NATD1: variants seen among roughly 807,000 people sequenced by gnomAD.
NATD1 encodes N-acetyltransferase domain containing 1.
In NATD1, 9 loss-of-function variants were observed where a neutral mutation model predicts 12.0. The observed-to-expected ratio is 0.75, with a 90% confidence interval of 0.45 to 1.30. NATD1 has a LOEUF of 1.30. NATD1 is among the 50% of genes most tolerant of loss of function. NATD1 has a pLI of 0.00. For missense variants in NATD1, 148 were observed against 148.5 expected (o/e 1.00, Z 0.02); for synonymous variants, 71 against 65.9 (o/e 1.08, Z -0.37).
intron 1 of NATD1, among the ~76,000 whole-genome samples, chr17:21,248,210 GCCAC>G (rs1384968951): frequency 4.8e-4 from 73 of 152,212 alleles, no homozygotes; most frequent in South Asian, 6.2e-4. Context: ...GCCTTCAAAG[GCCAC>G]CCAGTCACAA....
chr17:21,247,571 G>C (rs1280921993), intron 1 of NATD1, among the ~76,000 whole-genome samples: 1 of 152,214 alleles, frequency 6.6e-6, no homozygotes, highest in African/African-American at 2.4e-5. Flanking sequence ...ATCATCCCGG[G>C]ACAGGTCAGT....
At chr17:21,243,850 T>C (rs1206956953) in intron 2 of NATD1, among the ~76,000 whole-genome samples, 1 of 151,942 alleles carries the variant, frequency 6.6e-6, no homozygotes, top group Non-Finnish European at 1.5e-5. Flanking sequence ...GCCCTGAGGA[T>C]GAAGGGGTTG....
At chr17:21,246,526 A>C (rs865943877) in intron 1 of NATD1, among the ~76,000 whole-genome samples, 14 of 101,544 alleles carry the variant, frequency 1.4e-4, no homozygotes, top group South Asian at 3.1e-4. Flanking sequence ...AAAAAAAAAG[A>C]AAAAAAAAAA....
Position 21,239,784 on chromosome 17 carries a change from C to T in NATD1, c.*3529G>A, listed in dbSNP as rs1975249535. ...AGCCTGGGCGACAGAGCAAGACTCC[C>T]ATCTCAAAAAAAAGATTGCAACAGG... On this transcript the variant is annotated 3_prime_UTR_variant, in exon 3 of 3. Coordinates refer to ENST00000611551, the MANE Select transcript of NATD1 (RefSeq NM_152914.3). 6.6e-6 allele frequency: 1 copy of T among 151,952 alleles called. No individual in the cohort carries two copies. Among genetic ancestry groups the T allele is most frequent in the Admixed American group, 6.6e-5 (1 of 15,256 alleles). 9.4% of individuals were successfully genotyped at this position (151,952 alleles called of 1,614,324 possible).
rs954001773 is a variant in NATD1 at position 21,244,479 on chromosome 17, C to A, written c.107-255G>T. ...CCATGCCTAGAACACTTGAGCCCCA[C>A]ATGAACCTTTGCTACTGCGTCAGTC... On this transcript the variant is annotated intron_variant, in intron 1 of 2. Coordinates refer to ENST00000611551, the MANE Select transcript of NATD1 (RefSeq NM_152914.3). This position sits in a 1 kb window ranked among gnomAD's most constrained non-coding sequence, Gnocchi z 5.2. 5.9e-5 allele frequency among the ~76,000 whole-genome samples: 9 copies of A among 152,172 alleles called. No homozygotes were observed. The highest frequency in any genetic ancestry group is 1.9e-4 in the African/African-American group (8 of 41,434).
chr17:21,250,545 T>C (rs1288198317), intron 1 of NATD1, among the ~76,000 whole-genome samples: 1 of 152,166 alleles, frequency 6.6e-6, no homozygotes, highest in African/African-American at 2.4e-5. Flanking sequence ...ACATGGTAGG[T>C]GCTCAACAAA....
rs1193689121 is a variant in NATD1, at chr17:21,244,885, G to A, written c.107-661C>T. Among the ~76,000 whole-genome samples, 1 of 152,266 alleles carries A rather than the reference G, an allele frequency of 6.6e-6. No individual in the cohort carries two copies. The highest frequency in any genetic ancestry group is 1.9e-4 in the East Asian group (1 of 5,190). ...TTAACTGAACTTTTTCCTAATCACA[G>A]TTTTTAGTGTCTCATCTATTTGTCT... is the stretch of plus-strand genomic sequence containing the variant. On this transcript the variant is annotated intron_variant, in intron 1 of 2. Coordinates refer to ENST00000611551, the MANE Select transcript of NATD1 (RefSeq NM_152914.3). This position sits in a 1 kb window ranked among gnomAD's most constrained non-coding sequence, Gnocchi z 5.2.
At chr17:21,245,827 G>A (rs905403049) in intron 1 of NATD1, among the ~76,000 whole-genome samples, 5 of 150,630 alleles carry the variant, frequency 3.3e-5, no homozygotes, top group Admixed American at 6.6e-5. Context: ...CTGCAGCCCC[G>A]CCCCCACACC....
rs915536152 is a variant in NATD1 at position 21,239,373 on chromosome 17, G to C, written c.*3940C>G. 2.6e-5 allele frequency: 4 copies of C among 151,940 alleles called. No homozygotes were observed. Among genetic ancestry groups the C allele is most frequent in the African/African-American group, 4.8e-5 (2 of 41,352 alleles). 9.4% of individuals were successfully genotyped at this position (151,940 alleles called of 1,614,324 possible). The stretch of plus-strand genomic sequence containing the variant: ...CACCAAGAGGACGGGAGCTGGGCTG[G>C]GTCCTGAGCCCTTCTAGCGGTGTGG... On this transcript the variant is annotated 3_prime_UTR_variant, in exon 3 of 3. Transcript: ENST00000611551.
At chr17:21,247,905 A>G (rs923146584) in intron 1 of NATD1, among the ~76,000 whole-genome samples, 2 of 152,180 alleles carry the variant, frequency 1.3e-5, no homozygotes, top group African/African-American at 2.4e-5. Context: ...TGCTGCGGGC[A>G]GTCAGGGGAG....
intron 1 of NATD1, among the ~76,000 whole-genome samples, chr17:21,246,823 T>C (rs1975329421): frequency 2.6e-5 from 4 of 152,010 alleles, no homozygotes; most frequent in Admixed American, 2.6e-4. Flanking sequence ...CCAAAGGACA[T>C]GTGGGGTATG....
rs1358450382 is a variant in NATD1, at chr17:21,243,241, G to A, written c.*72C>T. The A allele has an allele frequency of 1.6e-6, 2 of 1,229,906 alleles. No homozygotes were observed. The highest frequency in any genetic ancestry group is 1.5e-5 in the African/African-American group (1 of 66,550). The allele number at this position is 1,229,906 out of a possible 1,614,324, so 76.2% of individuals were successfully genotyped here. On this transcript the variant is annotated 3_prime_UTR_variant, in exon 3 of 3. Transcript: ENST00000611551. ...CTGTTCCCAGTGGGACCAGGTTCCT[G>A]AGAGCACGTGGGGCCAGGCAAAGGC...
chr17:21,247,266 A>G (rs1483598765), intron 1 of NATD1, among the ~76,000 whole-genome samples: 2 of 152,216 alleles, frequency 1.3e-5, no homozygotes, highest in Non-Finnish European at 2.9e-5. Context: ...AACTAAAACA[A>G]CTGCTTTCTG....
intron 2 of NATD1, 106 bp from the exon 3 acceptor site, chr17:21,243,535 T>C (rs1975298183): frequency 2.5e-6 from 2 of 812,794 alleles, no homozygotes; most frequent in Admixed American, 2.4e-5. Flanking sequence ...CCCTTCCACT[T>C]TGCCCAGGTC....
chr17:21,243,384 T>C lies in NATD1; in HGVS notation c.271A>G (p.Thr91Ala). The C allele has an allele frequency of 2.5e-6, 4 of 1,613,422 alleles. No homozygotes were observed. The highest frequency in any genetic ancestry group is 3.4e-6 in the Non-Finnish European group (4 of 1,179,938). Reference protein sequence around the residue: ...VVEEDLKAHLTCWYIQKYVKE... With the variant: ...VVEEDLKAHLACWYIQKYVKE... ...ACGTACTTCTGGATGTACCAGCAGG[T>C]GAGATGGGCCTTCAGGTCCTCCTCC... Residue 91 changes from threonine to alanine, a missense_variant, in exon 3 of 3, where the codon ACC becomes GCC. Thr to Ala is a moderately conservative substitution (Grantham distance 58, BLOSUM62 0). Coordinates refer to ENST00000611551, the MANE Select transcript of NATD1 (RefSeq NM_152914.3).
chr17:21,243,471 C>A (rs763747380), intron 2 of NATD1, 42 bp from the exon 3 acceptor site: 1 of 1,521,572 alleles, frequency 6.6e-7, no homozygotes, highest in East Asian at 2.3e-5. Context: ...GGCCTGCAGC[C>A]GGCACCAGAA....
In NATD1 at chr17:21,244,118, C is replaced by T; in HGVS notation, c.213G>A (p.Lys71=). The T allele has an allele frequency of 3.1e-6, 5 of 1,612,116 alleles. No individual in the cohort carries two copies. Among genetic ancestry groups the T allele is most frequent in the Non-Finnish European group, 4.2e-6 (5 of 1,179,360 alleles). ...CTGCCTGCCCTACCTTGGCAAGGTGCTTGGCGATGCCACGCCCACGGTAGG... is the reference window on the plus strand; with the variant it reads ...CTGCCTGCCCTACCTTGGCAAGGTGTTTGGCGATGCCACGCCCACGGTAGG... ...PDAYRGRGIA[K]HLAKAALDFV... Residue 71 remains lysine, a synonymous_variant, in exon 2 of 3, where the codon AAG becomes AAA. Transcript: ENST00000611551. The surrounding 1 kb of genome is among the most constrained non-coding windows in gnomAD (Gnocchi z 5.2).
intron 1 of NATD1, among the ~76,000 whole-genome samples, chr17:21,250,226 C>A (rs953954745): frequency 6.6e-6 from 1 of 152,250 alleles, no homozygotes; most frequent in African/African-American, 2.4e-5. Context: ...CCTGCACACA[C>A]AAGGCATCGC....
At chr17:21,247,814 C>T (rs1192666184) in intron 1 of NATD1, among the ~76,000 whole-genome samples, 1 of 152,166 alleles carries the variant, frequency 6.6e-6, no homozygotes, top group Non-Finnish European at 1.5e-5. Context: ...CACTGTGAGC[C>T]GAGACAGCAG....
Sources: allele counts gnomAD v4.1 joint callset (sites outside exome capture counted in the v4.1 genomes callset), GRCh38; gene constraint gnomAD v4.1.1; non-coding constraint Gnocchi (gnomAD v3.1); transcripts MANE v1.5; gene names NCBI Gene and HGNC (gene_info 2026-07-23, HGNC 2026-07-21).